The following PHF7 variants were observed in gnomAD, a reference collection of about 807,000 sequenced individuals.
The protein encoded by PHF7 is E3 ubiquitin-protein ligase PHF7.
Under a neutral mutation model 47.5 loss-of-function variants are expected in PHF7, and 24 were observed. The observed-to-expected ratio is 0.51, with a 90% CI of 0.37 to 0.71. The LOEUF (loss-of-function observed/expected upper bound fraction) is 0.71, where lower values mean the gene tolerates loss of function less well. Among genes scored for constraint, PHF7 ranks in the 30% least tolerant of loss-of-function variants. The probability of loss-of-function intolerance (pLI) is 0.00; values close to 1 mark genes in which losing one functional copy is unlikely to be tolerated. For synonymous variants in PHF7, 156 were observed against 153.8 expected (o/e 1.01, Z -0.11); for missense variants, 361 against 456.8 (o/e 0.79, Z 1.91).
At chr3:52,420,828 T>C (rs1183886837) in intron 6 of PHF7, 75 bp from the exon 7 acceptor site, 47 of 1,389,952 alleles carry the variant, frequency 3.4e-5, no homozygotes, top group Non-Finnish European at 2.1e-5. Flanking sequence ...GGTGGCTGGC[T>C]GCCCCTCCTA....
At chr3:52,419,707 A>G in intron 4 of PHF7, 126 bp from the exon 5 acceptor site, 1 of 707,184 alleles carries the variant, frequency 1.4e-6, no homozygotes, top group South Asian at 1.5e-5. Flanking sequence ...CCGGGATTAC[A>G]GGCATGAGCC....
At chr3:52,415,053 G>T (rs188976360) in intron 4 of PHF7, among the ~76,000 whole-genome samples, 1 of 152,178 alleles carries the variant, frequency 6.6e-6, no homozygotes, top group African/African-American at 2.4e-5. Context: ...AGTAAGTTCA[G>T]TAAAAAAGTC....
intron 10 of PHF7, 94 bp from the exon 11 acceptor site, chr3:52,422,997 A>G (rs1705840208): frequency 1.3e-6 from 2 of 1,528,090 alleles, no homozygotes; most frequent in Non-Finnish European, 1.8e-6. Context: ...GGTGCCTTTG[A>G]CTTTGGAAGG....
At chr3:52,414,280 G>A (rs1705553765) in intron 3 of PHF7, among the ~76,000 whole-genome samples, 1 of 152,166 alleles carries the variant, frequency 6.6e-6, no homozygotes, top group African/African-American at 2.4e-5. Flanking sequence ...AAAAAATGAA[G>A]TGAGCAGTTG....
chr3:52,413,103 TCTGGAACCTTACTA>T (rs1705509633), intron 2 of PHF7, among the ~76,000 whole-genome samples, 183 bp downstream of exon 2: 1 of 152,222 alleles, frequency 6.6e-6, no homozygotes, highest in Non-Finnish European at 1.5e-5. Flanking sequence ...AAGTGCTGAC[TCTGGAACCTTACTA>T]CCCAAATTCA....
intron 4 of PHF7, among the ~76,000 whole-genome samples, chr3:52,416,706 G>A (rs998161125): frequency 1.6e-4 from 24 of 151,480 alleles, no homozygotes; most frequent in East Asian, 3.9e-4. Context: ...GGTGGCAGGC[G>A]CCTGTAGTCC....
In PHF7 at chr3:52,420,334, G is replaced by C; in HGVS notation, c.312G>C (p.Lys104Asn). The change falls in exon 6 of 11, where the codon AAG becomes AAC. Residue 104 changes from lysine to asparagine, a missense_variant. Transcript: ENST00000327906. The stretch of plus-strand genomic sequence containing the variant: ...AGATCTGCTTTGTGTGCAAGAAAAA[G>C]GGAGCTGCTATCAACTGCCAGAAGG... The part of the protein sequence containing the change: ...SRKICFVCKK[K>N]GAAINCQKDQ... 1 of 1,613,986 alleles carries C rather than the reference G, an allele frequency of 6.2e-7. No individual in the cohort carries two copies. The highest frequency in any genetic ancestry group is 1.1e-5 in the South Asian group (1 of 91,066).
rs1448013002 is a variant in PHF7 at position 52,413,944 on chromosome 3, TATC to T, written c.42-50_42-48del. 3 of 1,240,784 alleles carry T rather than the reference TATC, an allele frequency of 2.4e-6. No individual in the cohort carries two copies. In the African/African-American group the frequency reaches 4.5e-5, roughly 18 times the overall value. 76.9% of individuals were successfully genotyped at this position (1,240,784 alleles called of 1,614,324 possible). ...ATTTTAAGAGAAATGTTAAAAAGGTTATCAACAAGATCCCCAAAGAACACCTTG... is the reference window on the plus strand; with the variant it reads ...ATTTTAAGAGAAATGTTAAAAAGGTTAACAAGATCCCCAAAGAACACCTTG... On this transcript the variant is annotated intron_variant, in intron 2 of 10. Transcript: ENST00000327906.
chr3:52,419,556 G>T (rs190890783), intron 4 of PHF7, among the ~76,000 whole-genome samples: 1 of 151,600 alleles, frequency 6.6e-6, no homozygotes, highest in African/African-American at 2.4e-5. Flanking sequence ...TCAGCCTCCT[G>T]AGTAGCTGGG....
At chr3:52,416,557 G>A (rs1037768569) in intron 4 of PHF7, among the ~76,000 whole-genome samples, 15 of 151,050 alleles carry the variant, frequency 9.9e-5, no homozygotes, top group South Asian at 2.1e-4. Flanking sequence ...AGTGGTGGTC[G>A]GGCACAGTGG....
chr3:52,411,398 A>C (rs1705428421), intron 1 of PHF7, 151 bp downstream of exon 1: 1 of 152,332 alleles, frequency 6.6e-6, no homozygotes, highest in South Asian at 2.1e-4. Context: ...CTTAAGGAAG[A>C]AGCCATCAGA....
chr3:52,420,192 C>A (rs1439699327), intron 5 of PHF7, 119 bp from the exon 6 acceptor site: 2 of 1,134,736 alleles, frequency 1.8e-6, no homozygotes, highest in South Asian at 2.5e-5. Flanking sequence ...CATTCAGGAC[C>A]ACTGAAGATA....
At chr3:52,416,695 T>C (rs964039731) in intron 4 of PHF7, among the ~76,000 whole-genome samples, 2 of 151,166 alleles carry the variant, frequency 1.3e-5, no homozygotes, top group Non-Finnish European at 2.9e-5. Flanking sequence ...TAGCCGGGCA[T>C]GGTGGCAGGC....
At chr3:52,417,214 A>G (rs887008314) in intron 4 of PHF7, among the ~76,000 whole-genome samples, 6 of 152,182 alleles carry the variant, frequency 3.9e-5, no homozygotes, top group African/African-American at 1.2e-4. Flanking sequence ...GTGGCTTTAT[A>G]GTATATTGAA....
chr3:52,418,953 G>T (rs1259141063), intron 4 of PHF7, among the ~76,000 whole-genome samples: 10 of 151,818 alleles, frequency 6.6e-5, no homozygotes. Flanking sequence ...GATTACAGGC[G>T]CGCACCACCA....
chr3:52,422,340 T>C lies in PHF7; in HGVS notation c.797+2T>C, dbSNP rs756013040. Reference sequence around the variant, plus strand: ...CAGAGACAGCTTTGAGGATGAAGGGTAGGGGAAGGCTTCTGGCTAGAAAGA... The same window carrying C: ...CAGAGACAGCTTTGAGGATGAAGGGCAGGGGAAGGCTTCTGGCTAGAAAGA... On this transcript the variant is annotated splice_donor_variant, in intron 9 of 10. Transcript: ENST00000327906. LOFTEE classifies it high-confidence loss of function. 3.4e-5 allele frequency: 54 copies of C among 1,575,696 alleles called. No homozygotes were observed. The highest frequency in any genetic ancestry group is 4.7e-5 in the Non-Finnish European group (54 of 1,144,976).
intron 2 of PHF7, 112 bp downstream of exon 2, chr3:52,413,032 G>C: frequency 1.3e-6 from 1 of 796,820 alleles, no homozygotes; most frequent in South Asian, 1.4e-5. Flanking sequence ...TGGACAGTGT[G>C]GAAGCACACA....
chr3:52,419,970 C>A, intron 5 of PHF7, 36 bp downstream of exon 5: 1 of 1,224,506 alleles, frequency 8.2e-7, no homozygotes, highest in Non-Finnish European at 1.2e-6. Flanking sequence ...TTGGGGTAGG[C>A]CTCTTTTCAT....
At position 52,423,191 on chromosome 3, in the gene PHF7, C is replaced by A. The variant is rs1705848573; in HGVS notation, c.1020C>A (p.Gly340=). Reference sequence around the variant, plus strand: ...ACAACACCTTGGAAGAGAATCCGGGCCTTTCTTGGACTGATTGGCCAGAAC... The same window carrying A: ...ACAACACCTTGGAAGAGAATCCGGGACTTTCTTGGACTGATTGGCCAGAAC... The part of the protein sequence containing the change: ...CRDNTLEENP[G]LSWTDWPEPS... Residue 340 remains glycine (G), a synonymous_variant, in exon 11 of 11, where the codon GGC becomes GGA. Coordinates refer to ENST00000327906, the MANE Select transcript of PHF7 (RefSeq NM_016483.7). The A allele has an allele frequency of 6.2e-7, 1 of 1,613,614 alleles. No individual in the cohort carries two copies. Among genetic ancestry groups the A allele is most frequent in the Admixed American group, 1.7e-5 (1 of 60,008 alleles).
Sources: allele counts gnomAD v4.1 joint callset (sites outside exome capture counted in the v4.1 genomes callset), GRCh38; gene constraint gnomAD v4.1.1; transcripts MANE v1.5; gene names NCBI Gene and HGNC (gene_info 2026-07-23, HGNC 2026-07-21).